Variants in SLC30A1 observed in about 807,000 individuals in gnomAD.
SLC30A1 encodes solute carrier family 30 member 1, also known as proton-coupled zinc antiporter SLC30A1.
In SLC30A1, 7 loss-of-function variants were observed where a neutral mutation model predicts 29.8. The observed-to-expected ratio is 0.23, with a 90% CI of 0.13 to 0.44. The LOEUF (loss-of-function observed/expected upper bound fraction) is 0.44, where lower values mean the gene tolerates loss of function less well. Among genes scored for constraint, SLC30A1 ranks in the 20% least tolerant of loss-of-function variants. The pLI, the probability that SLC30A1 is intolerant of heterozygous loss-of-function variation, is 1.00. For synonymous variants in SLC30A1, 254 were observed against 253.5 expected (o/e 1.00, Z -0.02); for missense variants, 446 against 647.9 (o/e 0.69, Z 3.38).
Position 211,574,318 on chromosome 1 carries a change from G to T in SLC30A1, c.*1070C>A, listed in dbSNP as rs1571600865. Reference sequence around the variant, plus strand: ...TAATTTTGCTTTAATTATTAATTTTGCTAAGAATTTAATATCCAAACTGCA... The same window carrying T: ...TAATTTTGCTTTAATTATTAATTTTTCTAAGAATTTAATATCCAAACTGCA... On this transcript the variant is annotated 3_prime_UTR_variant, in exon 2 of 2. Transcript: ENST00000367001. 6.6e-6 allele frequency: 1 copy of T among 152,082 alleles called. No homozygotes were observed. The highest frequency in any genetic ancestry group is 6.5e-5 in the Admixed American group (1 of 15,270). The allele number at this position is 152,082 out of a possible 1,614,324, so 9.4% of individuals were successfully genotyped here.
rs978679669 is a variant in SLC30A1, at chr1:211,578,877, G to A, written c.-265C>T. Reference sequence around the variant, plus strand: ...GTCCTCAGAGCCGGCGCCGAGGCCCGGCTCAGCCTCAGCAGCCCCCACACC... The same window carrying A: ...GTCCTCAGAGCCGGCGCCGAGGCCCAGCTCAGCCTCAGCAGCCCCCACACC... On this transcript the variant is annotated 5_prime_UTR_variant, in exon 1 of 2. Transcript: ENST00000367001. 1.4e-5 allele frequency: 4 copies of A among 287,744 alleles called. No individual in the cohort carries two copies. Among genetic ancestry groups the A allele is most frequent in the Admixed American group, 1.0e-4 (2 of 19,140 alleles). The allele number at this position is 287,744 out of a possible 1,614,324, so 17.8% of individuals were successfully genotyped here.
At position 211,578,685 on chromosome 1, in the gene SLC30A1, G is replaced by A. The variant is rs1706752909; in HGVS notation, c.-73C>T. The stretch of plus-strand genomic sequence containing the variant: ...CGGCGGCGTTGGCGGGACGCGGAGG[G>A]TCGGCGACCGCGACACGGAGGAGCG... On this transcript the variant is annotated 5_prime_UTR_variant, in exon 1 of 2. Coordinates refer to ENST00000367001, the MANE Select transcript of SLC30A1 (RefSeq NM_021194.3). 1 of 1,384,242 alleles carries A rather than the reference G, an allele frequency of 7.2e-7. No individual in the cohort carries two copies. The highest frequency in any genetic ancestry group is 9.3e-7 in the Non-Finnish European group (1 of 1,069,858). 85.7% of individuals were successfully genotyped at this position (1,384,242 alleles called of 1,614,324 possible). A position where few individuals can be genotyped will look rare whatever the true frequency, so the allele number is the denominator to read the frequency against.
rs922530941 is a variant in SLC30A1, at chr1:211,575,100, T to C, written c.*288A>G. 4.4e-6 allele frequency: 1 copy of C among 226,708 alleles called. No individual in the cohort carries two copies. The highest frequency in any genetic ancestry group is 2.3e-5 in the African/African-American group (1 of 44,118). 14.0% of individuals were successfully genotyped at this position (226,708 alleles called of 1,614,324 possible). On this transcript the variant is annotated 3_prime_UTR_variant, in exon 2 of 2. Transcript: ENST00000367001. This position sits in a 1 kb window ranked among gnomAD's most constrained non-coding sequence, Gnocchi z 6.0. The stretch of plus-strand genomic sequence containing the variant: ...TCATGGGAAAAATCCAGAAATCAAA[T>C]GTCATTATGTTATATAAGGTTTAAC...
rs950912391 is a variant in SLC30A1, at chr1:211,577,195, G to A, written c.622+796C>T. Reference sequence around the variant, plus strand: ...AAATTGTTAAGCACCATTGAGCTTGGGTAGTAGGACACTGGTTGAGTCATT... The same window carrying A: ...AAATTGTTAAGCACCATTGAGCTTGAGTAGTAGGACACTGGTTGAGTCATT... On this transcript the variant is annotated intron_variant, in intron 1 of 1. Coordinates refer to ENST00000367001, the MANE Select transcript of SLC30A1 (RefSeq NM_021194.3). This position sits in a 1 kb window ranked among gnomAD's most constrained non-coding sequence, Gnocchi z 4.5. Among the ~76,000 whole-genome samples, 1 of 152,150 alleles carries A rather than the reference G, an allele frequency of 6.6e-6. No individual in the cohort carries two copies. The highest frequency in any genetic ancestry group is 6.5e-5 in the Admixed American group (1 of 15,276).
At position 211,577,860 on chromosome 1, in the gene SLC30A1, GAGCAGGC is replaced by G; in HGVS notation, c.622+124_622+130del. 20 of 1,231,006 alleles carry G rather than the reference GAGCAGGC, an allele frequency of 1.6e-5. No individual in the cohort carries two copies. The highest frequency in any genetic ancestry group is 2.2e-5 in the Non-Finnish European group (20 of 905,620). The allele number at this position is 1,231,006 out of a possible 1,614,324, so 76.3% of individuals were successfully genotyped here. A position where few individuals can be genotyped will look rare whatever the true frequency, so the allele number is the denominator to read the frequency against. On this transcript the variant is annotated intron_variant, in intron 1 of 1. Transcript: ENST00000367001. The surrounding 1 kb of genome is among the most constrained non-coding windows in gnomAD (Gnocchi z 4.5). ...GCGGGGCGTGTGCAGGACGGGGAGG[GAGCAGGC>G]AGGGGCGGCGCGGCGCAGGCCCGCT...
At position 211,578,126 on chromosome 1, in the gene SLC30A1, G is replaced by T. The variant is rs750906249; in HGVS notation, c.487C>A (p.Pro163Thr). Residue 163 changes from proline to threonine, a missense_variant, in exon 1 of 2, where the codon CCT (proline) becomes ACT (threonine). Pro to Thr is a conservative substitution (Grantham distance 38). Transcript: ENST00000367001. The stretch of plus-strand genomic sequence containing the variant: ...CCGGGGCGGGTGCTCTTAACGCGAG[G>T]CCCCTTGGGGAGGCCGTGGCCGTGG... ...HGHGHGLPKG[P>T]RVKSTRPGSS... 6.2e-7 allele frequency: 1 copy of T among 1,609,298 alleles called. No homozygotes were observed. The highest frequency in any genetic ancestry group is 8.5e-7 in the Non-Finnish European group (1 of 1,178,512).
intron 1 of SLC30A1, among the ~76,000 whole-genome samples, chr1:211,576,786 T>C (rs1006666744): frequency 1.3e-5 from 2 of 152,118 alleles, no homozygotes; most frequent in African/African-American, 4.8e-5. Context: ...AATATAAAAG[T>C]TTCTTGGTAG....
Position 211,576,250 on chromosome 1 carries a change from T to C in SLC30A1, c.662A>G (p.Gln221Arg), listed in dbSNP as rs1706716947. 1 of 1,610,798 alleles carries C rather than the reference T, an allele frequency of 6.2e-7. No individual in the cohort carries two copies. Among genetic ancestry groups the C allele is most frequent in the Admixed American group, 1.7e-5 (1 of 59,624 alleles). The change falls in exon 2 of 2, where the codon CAA becomes CGA. Residue 221 changes from glutamine to arginine, a missense_variant. Gln to Arg is a conservative substitution (Grantham distance 43, BLOSUM62 1). This residue lies in a region of SLC30A1 where 159 missense variants were observed against 161.1 expected (regional missense o/e 0.99). Transcript: ENST00000367001. Reference sequence around the variant, plus strand: ...TTCTCTGACAAGATTTCCATTCACTTGTACTTCCACTGTATCACCACTTCT... The same window carrying C: ...TTCTCTGACAAGATTTCCATTCACTCGTACTTCCACTGTATCACCACTTCT... ...NPRSGDTVEV[Q>R]VNGNLVREPD... is the part of the protein sequence containing the mutation.
At position 211,575,402 on chromosome 1, in the gene SLC30A1, C is replaced by T. The variant is rs1249297166; in HGVS notation, c.1510G>A (p.Glu504Lys). Residue 504 changes from glutamate to lysine, a missense_variant, in exon 2 of 2, where the codon GAA becomes AAA. Around this residue, in one of 5 missense-constraint regions of SLC30A1, gnomAD observed 187 missense variants for 312.7 expected, o/e 0.60. Transcript: ENST00000367001. This position sits in a 1 kb window ranked among gnomAD's most constrained non-coding sequence, Gnocchi z 6.0. ...EIKNMPNKQPESSL is the reference protein window; with the variant it reads ...EIKNMPNKQPKSSL ...TTTTTCAAGACTCACAAAGATGATTCAGGTTGTTTGTTTGGCATGTTTTTA... is the reference window on the plus strand; with the variant it reads ...TTTTTCAAGACTCACAAAGATGATTTAGGTTGTTTGTTTGGCATGTTTTTA... 1 of 1,591,508 alleles carries T rather than the reference C, an allele frequency of 6.3e-7. No individual in the cohort carries two copies. Among genetic ancestry groups the T allele is most frequent in the African/African-American group, 1.4e-5 (1 of 73,744 alleles).
Position 211,575,673 on chromosome 1 carries a change from G to A in SLC30A1, c.1239C>T (p.His413=), listed in dbSNP as rs763478163. 2 of 1,614,190 alleles carry A rather than the reference G, an allele frequency of 1.2e-6. No individual in the cohort carries two copies. Among genetic ancestry groups the A allele is most frequent in the South Asian group, 1.1e-5 (1 of 91,086 alleles). Residue 413 remains histidine, a synonymous_variant, in exon 2 of 2, where the codon CAC becomes CAT. Transcript: ENST00000367001. The surrounding 1 kb of genome is among the most constrained non-coding windows in gnomAD (Gnocchi z 6.0). ...CAAATTCAGGCTGAATGGTAGTAGC[G>A]TGAATTCCGTGATTATGAAAAACGT... is the stretch of plus-strand genomic sequence containing the variant. ...IKDVFHNHGI[H]ATTIQPEFAS...
Position 211,575,641 on chromosome 1 carries a change from A to G in SLC30A1, c.1271T>C (p.Val424Ala), listed in dbSNP as rs1168754081. The change falls in exon 2 of 2, where the codon GTA (valine) becomes GCA (alanine). Residue 424 changes from valine (V) to alanine (A), a missense_variant. Val to Ala is a moderately conservative substitution (Grantham distance 64). This residue lies in a region of SLC30A1 where 187 missense variants were observed against 312.7 expected (regional missense o/e 0.60). Transcript: ENST00000367001. The surrounding 1 kb of genome is among the most constrained non-coding windows in gnomAD (Gnocchi z 6.0). ...ATTIQPEFAS[V>A]GSKSSVVPCE... ...CGGAACTACACTTGATTTAGAGCCT[A>G]CACTAGCAAATTCAGGCTGAATGGT... The G allele has an allele frequency of 6.2e-7, 1 of 1,614,072 alleles. No homozygotes were observed. The highest frequency in any genetic ancestry group is 8.5e-7 in the Non-Finnish European group (1 of 1,180,006).
chr1:211,571,958 A>G lies in SLC30A1; in HGVS notation c.*3430T>C, dbSNP rs1474420308. The G allele has an allele frequency of 6.6e-6, 1 of 152,158 alleles. No individual in the cohort carries two copies. 9.4% of individuals were successfully genotyped at this position (152,158 alleles called of 1,614,324 possible). On this transcript the variant is annotated 3_prime_UTR_variant, in exon 2 of 2. Transcript: ENST00000367001. ...GCAATTTGTGTCTTTTTATATATAT[A>G]TATAACCACATATTAATTGTATGTT...
In SLC30A1 at chr1:211,578,463, C is replaced by T. The variant is rs745758017; in HGVS notation, c.150G>A (p.Ala50=). The change falls in exon 1 of 2, where the codon GCG becomes GCA. Residue 50 remains alanine (A), a synonymous_variant. Coordinates refer to ENST00000367001, the MANE Select transcript of SLC30A1 (RefSeq NM_021194.3). Reference sequence around the variant, plus strand: ...GCTCGGCCACCAGCGCCACCACCAGCGCCAGCACGTCCGACAGCATGTGGA... The same window carrying T: ...GCTCGGCCACCAGCGCCACCACCAGTGCCAGCACGTCCGACAGCATGTGGA... ...DSFHMLSDVL[A]LVVALVAERF... is the part of the protein sequence containing the mutation. 9.3e-6 allele frequency: 15 copies of T among 1,612,730 alleles called. No individual in the cohort carries two copies. The Admixed American group carries it at 2.5e-4, about 27-fold the overall frequency.
Position 211,572,778 on chromosome 1 carries a change from T to A in SLC30A1, c.*2610A>T, listed in dbSNP as rs143839306. On this transcript the variant is annotated 3_prime_UTR_variant, in exon 2 of 2. Transcript: ENST00000367001. ...TGACAATGGAGAATTAAATCTCTCA[T>A]CACTAAGGCTGCATTTGGCTTGGAA... 515 of 152,226 alleles carry A rather than the reference T, an allele frequency of 3.4e-3. 1 individual carries two copies. Among genetic ancestry groups the A allele is most frequent in the African/African-American group, 0.012 (500 of 41,560 alleles). 9.4% of individuals were successfully genotyped at this position (152,226 alleles called of 1,614,324 possible).
rs1571601391 is a variant in SLC30A1, at chr1:211,575,567, T to C, written c.1345A>G (p.Thr449Ala). Residue 449 changes from threonine (T) to alanine (A), a missense_variant, in exon 2 of 2, where the codon ACA becomes GCA. Physicochemically the swap from Thr to Ala is moderately conservative, Grantham distance 58. Coordinates refer to ENST00000367001, the MANE Select transcript of SLC30A1 (RefSeq NM_021194.3). This position sits in a 1 kb window ranked among gnomAD's most constrained non-coding sequence, Gnocchi z 6.0. ...TQCALKQCCG[T>A]LPQAPSGKDA... is the part of the protein sequence containing the mutation. ...TTTCCAGAAGGGGCTTGTGGTAGTG[T>C]CCCACAACATTGCTTCAAAGCACAC... 6.2e-7 allele frequency: 1 copy of C among 1,614,136 alleles called. No individual in the cohort carries two copies. Among genetic ancestry groups the C allele is most frequent in the East Asian group, 2.2e-5 (1 of 44,890 alleles).
chr1:211,575,549 A>C lies in SLC30A1; in HGVS notation c.1363T>G (p.Ser455Ala), dbSNP rs763242447. ...QCCGTLPQAPSGKDAEKTPAV... is the reference protein window; with the variant it reads ...QCCGTLPQAPAGKDAEKTPAV... ...GGGGTCTTTTCTGCATCCTTTCCAG[A>C]AGGGGCTTGTGGTAGTGTCCCACAA... Residue 455 changes from serine to alanine, a missense_variant, in exon 2 of 2, where the codon TCT becomes GCT. Around this residue, in one of 5 missense-constraint regions of SLC30A1, gnomAD observed 187 missense variants for 312.7 expected, o/e 0.60. Transcript: ENST00000367001. The surrounding 1 kb of genome is among the most constrained non-coding windows in gnomAD (Gnocchi z 6.0). 1 of 1,614,180 alleles carries C rather than the reference A, an allele frequency of 6.2e-7. No homozygotes were observed. The highest frequency in any genetic ancestry group is 1.1e-5 in the South Asian group (1 of 91,078).
In SLC30A1 at chr1:211,573,052, A is replaced by G. The variant is rs1706671067; in HGVS notation, c.*2336T>C. 1 of 152,102 alleles carries G rather than the reference A, an allele frequency of 6.6e-6. No individual in the cohort carries two copies. The highest frequency in any genetic ancestry group is 6.6e-5 in the Admixed American group (1 of 15,266). The allele number at this position is 152,102 out of a possible 1,614,324, so 9.4% of individuals were successfully genotyped here. On this transcript the variant is annotated 3_prime_UTR_variant, in exon 2 of 2. Coordinates refer to ENST00000367001, the MANE Select transcript of SLC30A1 (RefSeq NM_021194.3). ...AGAAAGGAATAAGCTATTTTGAGAA[A>G]GACACTTAAATCCTACAATATTTAA...
In SLC30A1 at chr1:211,578,376, T is replaced by C. The variant is rs761325675; in HGVS notation, c.237A>G (p.Val79=). The C allele has an allele frequency of 2.0e-5, 32 of 1,613,734 alleles. No homozygotes were observed. The highest frequency in any genetic ancestry group is 2.5e-5 in the Non-Finnish European group (30 of 1,179,900). Residue 79 remains valine, a synonymous_variant, in exon 1 of 2, where the codon GTA becomes GTG. Coordinates refer to ENST00000367001, the MANE Select transcript of SLC30A1 (RefSeq NM_021194.3). ...KNTFGWIRAE[V]MGALVNAIFL... is the part of the protein sequence containing the mutation. ...AGATGGCGTTCACCAGAGCCCCCAT[T>C]ACCTCGGCTCGGATCCAGCCGAACG...
At position 211,575,978 on chromosome 1, in the gene SLC30A1, A is replaced by G; in HGVS notation, c.934T>C (p.Trp312Arg). The change falls in exon 2 of 2, where the codon TGG becomes CGG. Residue 312 changes from tryptophan to arginine, a missense_variant. Coordinates refer to ENST00000367001, the MANE Select transcript of SLC30A1 (RefSeq NM_021194.3). The surrounding 1 kb of genome is among the most constrained non-coding windows in gnomAD (Gnocchi z 6.0). ...AGAGTTGGATCTAAATATAGCACCC[A>G]GCAAGGACCAGCCTCATAAACTGAT... is the stretch of plus-strand genomic sequence containing the variant. ...HASVYEAGPC[W>R]VLYLDPTLCV... The G allele has an allele frequency of 6.2e-7, 1 of 1,613,838 alleles. No individual in the cohort carries two copies. Among genetic ancestry groups the G allele is most frequent in the Non-Finnish European group, 8.5e-7 (1 of 1,179,860 alleles).
Sources: allele counts gnomAD v4.1 joint callset (sites outside exome capture counted in the v4.1 genomes callset), GRCh38; gene constraint gnomAD v4.1.1; regional missense constraint gnomAD v4.1.1; non-coding constraint Gnocchi (gnomAD v3.1); transcripts MANE v1.5; gene names NCBI Gene and HGNC (gene_info 2026-07-23, HGNC 2026-07-21).